PLPPR1: variants seen among roughly 807,000 people sequenced by gnomAD.
PLPPR1 encodes the protein phospholipid phosphatase related 1, also known as phospholipid phosphatase-related protein type 1.
PLPPR1 carries 10 observed loss-of-function variants against 33.1 expected under a neutral mutation model. The ratio of observed to expected loss-of-function variants is 0.30; its 90% CI spans 0.19 to 0.51. PLPPR1 has a LOEUF of 0.51. Ranked by LOEUF, PLPPR1 falls within the 20% of genes least tolerant of loss-of-function variation. The pLI is 0.97. For missense variants in PLPPR1, 304 were observed against 408.1 expected, an observed-to-expected ratio of 0.74 and a Z score of 2.20; for synonymous variants, 151 against 151.0, an observed-to-expected ratio of 1.00 and a Z score of 0.00.
rs576974689 is a variant in PLPPR1, at chr9:101,096,024, A to G, written c.-46+66922A>G. 5.3e-5 allele frequency among the ~76,000 whole-genome samples: 8 copies of G among 152,306 alleles called. No homozygotes were observed. In the South Asian group the frequency reaches 1.0e-3, roughly 20 times the overall value. ...GCCAAAAATGACAGAAGATGTGGTT[A>G]TAAGCACATTCAAATCCAGTAAAAG... On this transcript the variant is annotated intron_variant, in intron 1 of 7. Transcript: ENST00000374874.
At chr9:101,145,780 G>A (rs1831513631) in intron 1 of PLPPR1, among the ~76,000 whole-genome samples, 1 of 151,676 alleles carries the variant, frequency 6.6e-6, no homozygotes. Flanking sequence ...AGCGCTTTGG[G>A]AGGTCAAGAC....
chr9:101,181,665 T>A (rs1826113549), intron 1 of PLPPR1, among the ~76,000 whole-genome samples: 1 of 149,444 alleles, frequency 6.7e-6, no homozygotes, highest in Non-Finnish European at 1.5e-5. Flanking sequence ...TGTATGTATA[T>A]GTATATATAT....
At chr9:101,299,818 TGTAGAA>T (rs999910466) in intron 4 of PLPPR1, among the ~76,000 whole-genome samples, 3 of 152,172 alleles carry the variant, frequency 2.0e-5, no homozygotes, top group Non-Finnish European at 2.9e-5. Flanking sequence ...TCTTTTTTTG[TGTAGAA>T]GTAGAATACT....
At chr9:101,059,255 C>A (rs1293600863) in intron 1 of PLPPR1, among the ~76,000 whole-genome samples, 1 of 152,028 alleles carries the variant, frequency 6.6e-6, no homozygotes, top group Admixed American at 6.6e-5. Context: ...TATACACACT[C>A]AAGAAGGAGC....
At chr9:101,092,598 A>T (rs904494346) in intron 1 of PLPPR1, among the ~76,000 whole-genome samples, 4 of 151,726 alleles carry the variant, frequency 2.6e-5, no homozygotes, top group Non-Finnish European at 5.9e-5. Context: ...AGGGGCCCTT[A>T]CTCCCTCGTG....
chr9:101,140,420 C>T (rs1007212971), intron 1 of PLPPR1, among the ~76,000 whole-genome samples: 142 of 152,056 alleles, frequency 9.3e-4, no homozygotes, highest in Non-Finnish European at 1.4e-3. Context: ...GCCTTGAAAT[C>T]GTTAGGGTGG....
intron 4 of PLPPR1, among the ~76,000 whole-genome samples, chr9:101,288,189 C>T (rs1225641901): frequency 6.6e-6 from 1 of 152,122 alleles, no homozygotes; most frequent in Admixed American, 6.5e-5. Flanking sequence ...TCACCACCAT[C>T]CAGGAACCAG....
intron 2 of PLPPR1, among the ~76,000 whole-genome samples, chr9:101,261,197 A>G (rs781272287): frequency 6.6e-6 from 1 of 152,212 alleles, no homozygotes; most frequent in Non-Finnish European, 1.5e-5. Flanking sequence ...GTAAGATAAT[A>G]TATTTAAAGT....
intron 2 of PLPPR1, among the ~76,000 whole-genome samples, chr9:101,204,929 C>T (rs763652225): frequency 1.7e-4 from 26 of 151,376 alleles, no homozygotes; most frequent in African/African-American, 2.4e-4. Context: ...ATGGTGTGGA[C>T]GGGGAGGGGG....
chr9:101,180,125 TATATATATATATATATATACACACAC>T lies in PLPPR1; in HGVS notation c.-45-5323_-45-5298del, dbSNP rs1564167559. On this transcript the variant is annotated intron_variant, in intron 1 of 7. Coordinates refer to ENST00000374874, the MANE Select transcript of PLPPR1 (RefSeq NM_207299.2). ...ATATATATATATATATATATATATATATATATATATATATATATACACACACACACACACACATACACACACACACA... is the reference window on the plus strand; with the variant it reads ...ATATATATATATATATATATATATATACACACACACATACACACACACACA... Among the ~76,000 whole-genome samples, 27 of 37,512 alleles carry T rather than the reference TATATATATATATATATATACACACAC, an allele frequency of 7.2e-4. 1 individual carries two copies. The highest frequency in any genetic ancestry group is 2.5e-3 in the African/African-American group (27 of 10,938). The allele number at this position is 37,512 out of a possible 152,430, so 24.6% of individuals were successfully genotyped here.
chr9:101,083,928 G>A (rs1288314876), intron 1 of PLPPR1, among the ~76,000 whole-genome samples: 2 of 152,220 alleles, frequency 1.3e-5, no homozygotes, highest in Non-Finnish European at 2.9e-5. Context: ...CAGCTCATCT[G>A]TAAGGAGGAT....
chr9:101,266,221 G>A (rs566682715), intron 2 of PLPPR1, among the ~76,000 whole-genome samples: 1 of 151,832 alleles, frequency 6.6e-6, no homozygotes, highest in Non-Finnish European at 1.5e-5. Context: ...GAGGTCAAGA[G>A]TTTGAGACCA....
chr9:101,254,910 TATAGGGC>T (rs897654345), intron 2 of PLPPR1, among the ~76,000 whole-genome samples: 47 of 152,220 alleles, frequency 3.1e-4, no homozygotes, highest in African/African-American at 1.1e-3. Context: ...ACTACTGGGT[TATAGGGC>T]ATATGCACAC....
At chr9:101,197,602 C>A (rs1826421163) in intron 2 of PLPPR1, among the ~76,000 whole-genome samples, 2 of 152,122 alleles carry the variant, frequency 1.3e-5, no homozygotes, top group Non-Finnish European at 2.9e-5. Context: ...AAATGTGATG[C>A]CTTTTTGGAA....
At chr9:101,046,671 C>T (rs1367461809) in intron 1 of PLPPR1, among the ~76,000 whole-genome samples, 1 of 151,926 alleles carries the variant, frequency 6.6e-6, no homozygotes, top group Non-Finnish European at 1.5e-5. Flanking sequence ...TCTCGATCTC[C>T]TGACCTCGTG....
intron 4 of PLPPR1, among the ~76,000 whole-genome samples, chr9:101,308,721 A>G (rs1419237868): frequency 2.0e-5 from 3 of 151,458 alleles, no homozygotes; most frequent in Non-Finnish European, 4.4e-5. Flanking sequence ...TCCTCCCAAG[A>G]TGATTTACAT....
At chr9:101,109,196 T>G (rs145488389) in intron 1 of PLPPR1, among the ~76,000 whole-genome samples, 2,474 of 148,418 alleles carry the variant, frequency 0.017, 45 homozygotes, top group African/African-American at 0.042. Context: ...GGATGGTCTC[T>G]ATCTCCTGAC....
intron 1 of PLPPR1, among the ~76,000 whole-genome samples, chr9:101,065,898 T>A (rs1830406934): frequency 1.3e-5 from 2 of 152,194 alleles, no homozygotes; most frequent in South Asian, 4.1e-4. Context: ...TGTATAACCC[T>A]CACCTAACTT....
At chr9:101,175,270 A>C (rs1053084669) in intron 1 of PLPPR1, among the ~76,000 whole-genome samples, 2 of 152,154 alleles carry the variant, frequency 1.3e-5, no homozygotes, top group African/African-American at 4.8e-5. Context: ...GGCCCTAAGC[A>C]GTTTTGTGGA....
Sources: allele counts gnomAD v4.1 joint callset (sites outside exome capture counted in the v4.1 genomes callset), GRCh38; gene constraint gnomAD v4.1.1; transcripts MANE v1.5; gene names NCBI Gene and HGNC (gene_info 2026-07-23, HGNC 2026-07-21).